Variants in ABI3BP observed in about 807,000 individuals in gnomAD.
ABI3BP encodes the protein target of Nesh-SH3.
A neutral mutation model predicts 268.6 loss-of-function variants in ABI3BP; 216 were observed. That is an observed-to-expected ratio of 0.80 (90% CI 0.72 to 0.90). The LOEUF is 0.90. Among genes scored for constraint, ABI3BP ranks in the 40% least tolerant of loss-of-function variants. The pLI is 0.00. For missense variants in ABI3BP, 2,090 were observed against 2,182.4 expected, an observed-to-expected ratio of 0.96 and a Z score of 0.84; for synonymous variants, 730 against 730.0, an observed-to-expected ratio of 1.00 and a Z score of 0.00.
At chr3:100,968,500 A>G (rs562980675) in intron 1 of ABI3BP, among the ~76,000 whole-genome samples, 18 of 152,312 alleles carry the variant, frequency 1.2e-4, no homozygotes, top group African/African-American at 4.3e-4. Context: ...CTCAGATCTT[A>G]AAAACCATCT....
chr3:100,844,674 C>T (rs918875734), intron 20 of ABI3BP, among the ~76,000 whole-genome samples: 2 of 152,132 alleles, frequency 1.3e-5, no homozygotes, highest in African/African-American at 4.8e-5. Flanking sequence ...CAATGGTTTG[C>T]GGAGATCCAG....
Position 100,774,474 on chromosome 3 carries a change from C to A in ABI3BP, c.4531+131G>T, listed in dbSNP as rs116407858. ...TGACACCCAGTTGACTTGCAGACAC[C>A]CATGAAAAATAAAACCTTATTATTA... is the stretch of plus-strand genomic sequence containing the variant. On this transcript the variant is annotated intron_variant, in intron 61 of 67. Transcript: ENST00000471714. 4.3e-3 allele frequency: 2,774 copies of A among 646,470 alleles called. 13 individuals carry two copies. Among genetic ancestry groups the A allele is most frequent in the Non-Finnish European group, 5.0e-3 (1,987 of 393,950 alleles). 40.0% of individuals were successfully genotyped at this position (646,470 alleles called of 1,614,324 possible). A position where few individuals can be genotyped will look rare whatever the true frequency, so the allele number is the denominator to read the frequency against.
chr3:100,817,693 C>T (rs1440290232), intron 41 of ABI3BP, among the ~76,000 whole-genome samples, 198 bp from the exon 42 acceptor site: 1 of 152,142 alleles, frequency 6.6e-6, no homozygotes, highest in African/African-American at 2.4e-5. Context: ...ATGTGGTCAA[C>T]AAAACATTCT....
chr3:100,848,802 A>T lies in ABI3BP; in HGVS notation c.1575T>A (p.Pro525=), dbSNP rs2098805973. The T allele has an allele frequency of 1.9e-6, 3 of 1,610,606 alleles. No homozygotes were observed. Residue 525 remains proline, a splice_region_variant and synonymous_variant, in exon 18 of 68, where the codon CCT becomes CCA. Transcript: ENST00000471714. The part of the protein sequence containing the change: ...RPRPKPPRTK[P]ERTTSAGTIT... ...ATGTAAATATAAAGAGACATTTACC[A>T]GGTTTGGTTCTTGGCGGTTTGGGCC...
intron 1 of ABI3BP, among the ~76,000 whole-genome samples, chr3:100,977,447 G>T (rs1188526476): frequency 1.3e-5 from 2 of 152,156 alleles, no homozygotes; most frequent in Non-Finnish European, 2.9e-5. Flanking sequence ...TCACCTGAAG[G>T]CTTGACTGGG....
intron 34 of ABI3BP, among the ~76,000 whole-genome samples, chr3:100,826,946 G>A (rs190371259): frequency 4.6e-5 from 7 of 152,022 alleles, no homozygotes; most frequent in Non-Finnish European, 1.0e-4. Flanking sequence ...AAAATGTTTT[G>A]GCTGACCCTA....
In ABI3BP at chr3:100,905,169, C is replaced by A. The variant is rs1045130534; in HGVS notation, c.260-2483G>T. Among the ~76,000 whole-genome samples the A allele has an allele frequency of 2.9e-4, 44 of 152,010 alleles. 1 individual carries two copies. The highest frequency in any genetic ancestry group is 4.7e-4 in the Non-Finnish European group (32 of 68,030). On this transcript the variant is annotated intron_variant, in intron 2 of 67. Transcript: ENST00000471714. ...AGCAAACTATCGCAAGGACAAAAAACCAAACACCGCATGTTCTCACTCATA... is the reference window on the plus strand; with the variant it reads ...AGCAAACTATCGCAAGGACAAAAAAACAAACACCGCATGTTCTCACTCATA...
intron 1 of ABI3BP, among the ~76,000 whole-genome samples, chr3:100,943,407 T>C (rs920420683): frequency 6.6e-6 from 1 of 152,156 alleles, no homozygotes; most frequent in Non-Finnish European, 1.5e-5. Context: ...ATTTTTCTTT[T>C]GAGATAAAAT....
rs530971305 is a variant in ABI3BP, at chr3:100,899,506, G to T, written c.329-612C>A. ...TTTTAACAATGATGGAAGAGTAGGGGTAACACAGGAAGCACAGTTGTTCTG... is the reference window on the plus strand; with the variant it reads ...TTTTAACAATGATGGAAGAGTAGGGTTAACACAGGAAGCACAGTTGTTCTG... On this transcript the variant is annotated intron_variant, in intron 3 of 67. Coordinates refer to ENST00000471714, the MANE Select transcript of ABI3BP (RefSeq NM_001375547.2). Among the ~76,000 whole-genome samples, 113 of 152,300 alleles carry T rather than the reference G, an allele frequency of 7.4e-4. 2 individuals are homozygous for T. The highest frequency in any genetic ancestry group is 2.7e-3 in the African/African-American group (111 of 41,572).
Position 100,850,690 on chromosome 3 carries a change from T to C in ABI3BP, c.1396A>G (p.Arg466Gly), listed in dbSNP as rs370096523. 5 of 1,613,172 alleles carry C rather than the reference T, an allele frequency of 3.1e-6. No homozygotes were observed. The African/African-American group carries it at 6.7e-5, about 22-fold the overall frequency. ...ILDSIPPKTS[R>G]TLEQPRATLA... Reference sequence around the variant, plus strand: ...GTTGCCCTTGGCTGTTCAAGAGTTCTAGAAGTTTTAGGTGGGATAGAATCC... The same window carrying C: ...GTTGCCCTTGGCTGTTCAAGAGTTCCAGAAGTTTTAGGTGGGATAGAATCC... The change falls in exon 16 of 68, where the codon AGA (arginine) becomes GGA (glycine). Residue 466 changes from arginine to glycine, a missense_variant. Physicochemically the swap from Arg to Gly is moderately radical, Grantham distance 125 (BLOSUM62 -2). Coordinates refer to ENST00000471714, the MANE Select transcript of ABI3BP (RefSeq NM_001375547.2).
chr3:100,863,152 T>G (rs1266098234), intron 12 of ABI3BP: 5 of 420,440 alleles, frequency 1.2e-5, no homozygotes, highest in African/African-American at 2.1e-5. Flanking sequence ...CCACCCTTAT[T>G]AAACCAGTTT....
intron 2 of ABI3BP, among the ~76,000 whole-genome samples, chr3:100,907,595 T>G (rs751035839): frequency 5.9e-5 from 9 of 152,178 alleles, no homozygotes; most frequent in Non-Finnish European, 1.3e-4. Flanking sequence ...CTACAAAGTC[T>G]AAGGACATAT....
intron 37 of ABI3BP, among the ~76,000 whole-genome samples, 170 bp downstream of exon 37, chr3:100,823,288 G>A (rs562282662): frequency 6.6e-6 from 1 of 152,134 alleles, no homozygotes; most frequent in Non-Finnish European, 1.5e-5. Context: ...ACGTCCTCAA[G>A]TAGATTCATG....
At chr3:100,866,982 T>C (rs780223730) in intron 9 of ABI3BP, 26 bp from the exon 10 acceptor site, 1 of 1,597,346 alleles carries the variant, frequency 6.3e-7, no homozygotes. Flanking sequence ...ACAAACAATT[T>C]ATCTCACTTG....
At chr3:100,804,759 G>A (rs755065344) in intron 51 of ABI3BP, 33 bp downstream of exon 51, 1 of 1,575,884 alleles carries the variant, frequency 6.3e-7, no homozygotes, top group East Asian at 2.2e-5. Context: ...ACAGTAGAAT[G>A]CATTTGGCTT....
chr3:100,801,800 G>T (rs1241471914), intron 51 of ABI3BP, among the ~76,000 whole-genome samples: 1 of 152,162 alleles, frequency 6.6e-6, no homozygotes, highest in Non-Finnish European at 1.5e-5. Context: ...TTGTAGAATT[G>T]TAATGATAAC....
At chr3:100,820,410 T>A (rs2098184839) in intron 39 of ABI3BP, 107 bp from the exon 40 acceptor site, 2 of 861,656 alleles carry the variant, frequency 2.3e-6, no homozygotes, top group Admixed American at 3.2e-5. Context: ...TTTCTCATAT[T>A]TCAGGAAATT....
At chr3:100,857,350 T>C (rs1248139073) in intron 14 of ABI3BP, among the ~76,000 whole-genome samples, 1 of 152,224 alleles carries the variant, frequency 6.6e-6, no homozygotes, top group Admixed American at 6.5e-5. Context: ...TTGTGCATTA[T>C]ATTAAGTAAT....
chr3:100,780,379 C>A (rs1017467162), intron 57 of ABI3BP, among the ~76,000 whole-genome samples, 170 bp from the exon 58 acceptor site: 2 of 151,984 alleles, frequency 1.3e-5, no homozygotes, highest in African/African-American at 4.8e-5. Context: ...AAAATAAAAA[C>A]CCTACATTCA....
Sources: allele counts gnomAD v4.1 joint callset (sites outside exome capture counted in the v4.1 genomes callset), GRCh38; gene constraint gnomAD v4.1.1; transcripts MANE v1.5; gene names NCBI Gene and HGNC (gene_info 2026-07-23, HGNC 2026-07-21).